The following CRYL1 variants were observed in gnomAD, a reference collection of about 807,000 sequenced individuals.
CRYL1 encodes the protein crystallin lambda 1, also known as lambda-crystallin homolog.
Under a neutral mutation model 36.6 loss-of-function variants are expected in CRYL1, and 29 were observed. The observed-to-expected ratio is 0.79, with a 90% CI of 0.59 to 1.08. CRYL1 has a LOEUF of 1.08. Ranked by LOEUF, CRYL1 falls within the 50% of genes least tolerant of loss-of-function variation. The probability of loss-of-function intolerance (pLI) is 0.00; values close to 1 mark genes in which losing one functional copy is unlikely to be tolerated. For synonymous variants in CRYL1, 152 were observed against 151.5 expected (o/e 1.00, Z -0.02); for missense variants, 411 against 407.9 (o/e 1.01, Z -0.06).
At chr13:20,420,701 T>TTTTTTTTTTTTTGTGTGTGTGTG in intron 5 of CRYL1, among the ~76,000 whole-genome samples, 6 of 21,840 alleles carry the variant, frequency 2.7e-4, no homozygotes, top group Non-Finnish European at 5.5e-4. Flanking sequence ...AAAATAGAGG[T>TTTTTTTTTTTTTGTGTGTGTGTG]TGTGTGTGTG....
At position 20,525,768 on chromosome 13, in the gene CRYL1, C is replaced by A; in HGVS notation, c.27G>T (p.Val9=). 1 of 1,301,670 alleles carries A rather than the reference C, an allele frequency of 7.7e-7. No homozygotes were observed. Among genetic ancestry groups the A allele is most frequent in the Admixed American group, 3.5e-5 (1 of 28,646 alleles). The allele number at this position is 1,301,670 out of a possible 1,614,324, so 80.6% of individuals were successfully genotyped here. A position where few individuals can be genotyped will look rare whatever the true frequency, so the allele number is the denominator to read the frequency against. The change falls in exon 1 of 8, where the codon GTG becomes GTT. Residue 9 remains valine, a synonymous_variant. Transcript: ENST00000298248. This position sits in a 1 kb window ranked among gnomAD's most constrained non-coding sequence, Gnocchi z 4.3. ...GAGCCCTTTACCTGCCAACGATCAC[C>A]ACGCAGCCGGCCGCGGAGGACGCCA... The part of the protein sequence containing the change: MASSAAGC[V]VIVGSGVIGR...
intron 2 of CRYL1, among the ~76,000 whole-genome samples, chr13:20,496,213 T>C (rs1214892150): frequency 6.6e-6 from 1 of 152,130 alleles, no homozygotes; most frequent in African/African-American, 2.4e-5. Flanking sequence ...AAACTCACAG[T>C]GACAGAAAGT....
intron 3 of CRYL1, among the ~76,000 whole-genome samples, chr13:20,487,250 G>GA (rs60622317): frequency 0.062 from 9,191 of 148,304 alleles, 896 homozygotes; most frequent in African/African-American, 0.21. Context: ...TTCTTTAAAA[G>GA]AAAAAAAAAA....
At chr13:20,446,359 G>A (rs556699370) in intron 3 of CRYL1, among the ~76,000 whole-genome samples, 1 of 152,286 alleles carries the variant, frequency 6.6e-6, no homozygotes, top group South Asian at 2.1e-4. Flanking sequence ...TGATCCACCT[G>A]CCTTGGTCTC....
Position 20,404,393 on chromosome 13 carries a change from G to A in CRYL1, c.847-151C>T, listed in dbSNP as rs2031309942. Reference sequence around the variant, plus strand: ...AATGAACAGCAGCTTTCCAAATCTTGAAAGACCTCAGTCCCTCAGAGACAA... The same window carrying A: ...AATGAACAGCAGCTTTCCAAATCTTAAAAGACCTCAGTCCCTCAGAGACAA... On this transcript the variant is annotated intron_variant, in intron 7 of 7. Coordinates refer to ENST00000298248, the MANE Select transcript of CRYL1 (RefSeq NM_015974.3). The A allele has an allele frequency of 4.7e-6, 3 of 640,142 alleles. No homozygotes were observed. The Admixed American group carries it at 8.0e-5, about 17-fold the overall frequency. 39.7% of individuals were successfully genotyped at this position (640,142 alleles called of 1,614,324 possible).
chr13:20,502,502 A>C (rs1236118321), intron 2 of CRYL1: 1 of 152,488 alleles, frequency 6.6e-6, no homozygotes, highest in Non-Finnish European at 1.5e-5. Flanking sequence ...AATGCAAAAA[A>C]AAATTAGCTG....
chr13:20,439,535 A>G (rs1187819169), intron 4 of CRYL1, 58 bp downstream of exon 4: 44 of 1,351,490 alleles, frequency 3.3e-5, no homozygotes, highest in South Asian at 2.1e-4. Flanking sequence ...AAAAAAGAAA[A>G]AAAAAAAACA....
At position 20,425,302 on chromosome 13, in the gene CRYL1, G is replaced by A. The variant is rs757612902; in HGVS notation, c.633+6800C>T. Among the ~76,000 whole-genome samples, 11 of 152,186 alleles carry A rather than the reference G, an allele frequency of 7.2e-5. No individual in the cohort carries two copies. Among genetic ancestry groups the A allele is most frequent in the Non-Finnish European group, 1.6e-4 (11 of 68,044 alleles). On this transcript the variant is annotated intron_variant, in intron 5 of 7. Transcript: ENST00000298248. This position sits in a 1 kb window ranked among gnomAD's most constrained non-coding sequence, Gnocchi z 4.4. ...CCTCAAAGCCTGTGAAACGATGATGGAGCCCAGTTCTGCTCCTCCTTGGAG... is the reference window on the plus strand; with the variant it reads ...CCTCAAAGCCTGTGAAACGATGATGAAGCCCAGTTCTGCTCCTCCTTGGAG...
rs554471114 is a variant in CRYL1 at position 20,426,861 on chromosome 13, G to C, written c.633+5241C>G. The C allele has an allele frequency of 5.1e-6, 5 of 985,466 alleles. No individual in the cohort carries two copies. The East Asian group carries it at 5.7e-4, about 112-fold the overall frequency. 61.0% of individuals were successfully genotyped at this position (985,466 alleles called of 1,614,324 possible). A position where few individuals can be genotyped will look rare whatever the true frequency, so the allele number is the denominator to read the frequency against. ...GACCACACCCACCCTGACAAATCAAGAGACCAAGAACTCAATCTCTGCGGC... is the reference window on the plus strand; with the variant it reads ...GACCACACCCACCCTGACAAATCAACAGACCAAGAACTCAATCTCTGCGGC... On this transcript the variant is annotated intron_variant, in intron 5 of 7. Transcript: ENST00000298248.
chr13:20,464,613 T>G (rs9285123), intron 3 of CRYL1, among the ~76,000 whole-genome samples: 146,943 of 152,262 alleles, frequency 0.97, 71,105 homozygotes, highest in East Asian at 1. Flanking sequence ...TTCTGTGTGA[T>G]AATCAGACAT....
chr13:20,470,247 C>A (rs1176629940), intron 3 of CRYL1, among the ~76,000 whole-genome samples: 1 of 152,208 alleles, frequency 6.6e-6, no homozygotes, highest in African/African-American at 2.4e-5. Context: ...GCGACTCAGG[C>A]CTGGCCCCGG....
intron 3 of CRYL1, among the ~76,000 whole-genome samples, chr13:20,478,716 A>G (rs2033213022): frequency 6.6e-6 from 1 of 151,764 alleles, no homozygotes; most frequent in African/African-American, 2.4e-5. Flanking sequence ...AGCTCAAGCA[A>G]TCTACCCGCT....
intron 2 of CRYL1, among the ~76,000 whole-genome samples, chr13:20,509,414 T>C (rs1236009070): frequency 6.6e-6 from 1 of 152,140 alleles, no homozygotes; most frequent in Non-Finnish European, 1.5e-5. Flanking sequence ...CCAGAATCCC[T>C]GAAGGGCCTC....
chr13:20,449,487 A>T (rs1189494406), intron 3 of CRYL1, among the ~76,000 whole-genome samples: 1 of 152,252 alleles, frequency 6.6e-6, no homozygotes, highest in Non-Finnish European at 1.5e-5. Context: ...AATAAAGAGC[A>T]GATGGAACAA....
intron 3 of CRYL1, among the ~76,000 whole-genome samples, chr13:20,464,331 T>C (rs937434155): frequency 1.3e-5 from 2 of 152,096 alleles, no homozygotes; most frequent in Non-Finnish European, 2.9e-5. Context: ...GAGGCAGAGG[T>C]TGCAGTGAGC....
chr13:20,502,124 T>C (rs541865928), intron 2 of CRYL1, among the ~76,000 whole-genome samples: 104 of 152,156 alleles, frequency 6.8e-4, no homozygotes, highest in Non-Finnish European at 1.2e-3. Flanking sequence ...AAAGACTACC[T>C]CCAGTTTGCC....
intron 5 of CRYL1, among the ~76,000 whole-genome samples, chr13:20,414,717 G>A (rs989785551): frequency 2.0e-5 from 3 of 152,230 alleles, no homozygotes; most frequent in African/African-American, 7.2e-5. Flanking sequence ...ATTAAGGTTA[G>A]ACGTCTGATC....
intron 6 of CRYL1, among the ~76,000 whole-genome samples, chr13:20,410,933 T>C (rs2031507127): frequency 6.6e-6 from 1 of 152,238 alleles, no homozygotes; most frequent in Non-Finnish European, 1.5e-5. Flanking sequence ...TGAGGGCCCG[T>C]CTTTCAGGGG....
chr13:20,493,784 A>G (rs980843204), intron 2 of CRYL1, among the ~76,000 whole-genome samples: 7 of 152,182 alleles, frequency 4.6e-5, no homozygotes, highest in Admixed American at 1.3e-4. Context: ...CACCATGACC[A>G]CAGGCCATAA....
Sources: gnomAD v4.1 joint callset for allele counts (sites outside exome capture counted in the v4.1 genomes callset) on GRCh38, gnomAD v4.1.1 for gene constraint, Gnocchi (gnomAD v3.1) non-coding constraint, MANE v1.5 for transcripts, NCBI Gene and HGNC (gene_info 2026-07-23, HGNC 2026-07-21) for gene names.